NCOA6: variants seen among roughly 807,000 people sequenced by gnomAD.
NCOA6 encodes the protein NRC RAP250.
NCOA6 carries 49 observed loss-of-function variants against 171.4 expected under a neutral mutation model. The ratio of observed to expected loss-of-function variants is 0.29; its 90% CI spans 0.23 to 0.36. The LOEUF is 0.36. Ranked by LOEUF, NCOA6 falls within the 10% of genes least tolerant of loss-of-function variation. The probability of loss-of-function intolerance (pLI) is 1.00; values close to 1 mark genes in which losing one functional copy is unlikely to be tolerated. For missense variants in NCOA6, 2,248 were observed against 2,554.5 expected (o/e 0.88, Z 2.59); for synonymous variants, 910 against 927.5 (o/e 0.98, Z 0.34).
chr20:34,774,560 A>T (rs936536994), intron 4 of NCOA6, among the ~76,000 whole-genome samples: 5 of 152,208 alleles, frequency 3.3e-5, no homozygotes, highest in Admixed American at 2.0e-4. Context: ...CACTCCTATA[A>T]ACAAAATGAC....
At chr20:34,809,034 G>T (rs1480428196) in intron 1 of NCOA6, among the ~76,000 whole-genome samples, 1 of 152,128 alleles carries the variant, frequency 6.6e-6, no homozygotes, top group African/African-American at 2.4e-5. Flanking sequence ...ATTTCCCCCT[G>T]CAAAGTTATG....
At position 34,757,836 on chromosome 20, in the gene NCOA6, G is replaced by C. The variant is rs767155256; in HGVS notation, c.912C>G (p.Pro304=). ...GCACCTGAGTTGGGGCAGTAAACTG[G>C]GGTCGAATTCCCTGTGGCTGTTGCT... is the stretch of plus-strand genomic sequence containing the variant. ...HQQQQPQGIR[P]QFTAPTQVPV... Residue 304 remains proline, a synonymous_variant, in exon 7 of 15, where the codon CCC becomes CCG. Coordinates refer to ENST00000359003, the MANE Select transcript of NCOA6 (RefSeq NM_014071.5). 1.2e-6 allele frequency: 2 copies of C among 1,613,954 alleles called. No homozygotes were observed. The highest frequency in any genetic ancestry group is 1.7e-6 in the Non-Finnish European group (2 of 1,180,030).
chr20:34,736,713 A>G lies in NCOA6; in HGVS notation c.5939T>C (p.Leu1980Pro), dbSNP rs371027349. 11 of 1,611,240 alleles carry G rather than the reference A, an allele frequency of 6.8e-6. No individual in the cohort carries two copies. Among genetic ancestry groups the G allele is most frequent in the Middle Eastern group, 1.7e-4 (1 of 6,052 alleles). ...ACCTGGTCTGGCAACAGAGGCCTGC[A>G]GTGCTGTGGTTGAAGTTTCCTTTGA... The part of the protein sequence containing the change: ...LVSKETSTTA[L>P]QASVARPELE... The change falls in exon 12 of 15, where the codon CTG becomes CCG. Residue 1980 changes from leucine (L) to proline (P), a missense_variant. Leu to Pro is a moderately conservative substitution (Grantham distance 98). Coordinates refer to ENST00000359003, the MANE Select transcript of NCOA6 (RefSeq NM_014071.5).
chr20:34,737,921 C>T (rs2076006344), intron 11 of NCOA6, among the ~76,000 whole-genome samples: 1 of 152,184 alleles, frequency 6.6e-6, no homozygotes, highest in Non-Finnish European at 1.5e-5. Flanking sequence ...TCTCCTGAGA[C>T]AGAGCCTTGC....
At chr20:34,723,318 T>C (rs1266102811) in intron 14 of NCOA6, among the ~76,000 whole-genome samples, 1 of 152,172 alleles carries the variant, frequency 6.6e-6, no homozygotes, top group Non-Finnish European at 1.5e-5. Flanking sequence ...GCAGAACTGA[T>C]GACTTGCTTG....
chr20:34,717,319 G>A (rs896145193), intron 14 of NCOA6, among the ~76,000 whole-genome samples: 5 of 152,112 alleles, frequency 3.3e-5, no homozygotes, highest in East Asian at 1.9e-4. Flanking sequence ...GTGTGGTGGT[G>A]CATGCCTGTA....
rs751096527 is a variant in NCOA6 at position 34,742,683 on chromosome 20, G to A, written c.3573C>T (p.Ser1191=). ...PQQPPVNSLP[S]SHGHHFPNVA... ...CATTTGGGAAGTGGTGGCCGTGAGA[G>A]CTGGGCAGGGAATTTACAGGGGGTT... Residue 1191 remains serine, a synonymous_variant, in exon 11 of 15, where the codon AGC becomes AGT. Coordinates refer to ENST00000359003, the MANE Select transcript of NCOA6 (RefSeq NM_014071.5). 5.3e-5 allele frequency: 86 copies of A among 1,614,070 alleles called. No individual in the cohort carries two copies. The South Asian group carries it at 9.2e-4, about 17-fold the overall frequency.
intron 10 of NCOA6, 83 bp from the exon 11 acceptor site, chr20:34,743,424 T>A: frequency 7.1e-7 from 1 of 1,409,542 alleles, no homozygotes. Context: ...CAAGCAATAC[T>A]CATCTAGGTG....
intron 3 of NCOA6, among the ~76,000 whole-genome samples, chr20:34,777,116 C>CAAA (rs1157021055): frequency 9.6e-4 from 42 of 43,728 alleles, no homozygotes; most frequent in African/African-American, 3.1e-3. Flanking sequence ...GACTCCGTCT[C>CAAA]AAAAAAAAAA....
intron 4 of NCOA6, among the ~76,000 whole-genome samples, chr20:34,773,677 C>T (rs1260570038): frequency 6.6e-6 from 1 of 152,200 alleles, no homozygotes; most frequent in Non-Finnish European, 1.5e-5. Context: ...GCACGCCCCA[C>T]CATGCTCGGC....
chr20:34,776,427 T>C lies in NCOA6; in HGVS notation c.257A>G (p.Gln86Arg), dbSNP rs140466505. ...LHMESSKLKV[Q>R]KVEPWNSVRV... is the part of the protein sequence containing the mutation. ...CACGCTGTTCCAGGGCTCCACCTTC[T>C]GTACTTTTAGCTTGCTGGACTCTTG... Residue 86 changes from glutamine to arginine, a missense_variant, in exon 4 of 15, where the codon CAG becomes CGG. This residue lies in a region of NCOA6 where 987 missense variants were observed against 1,104.7 expected (regional missense o/e 0.89). Transcript: ENST00000359003. 1.7e-5 allele frequency: 27 copies of C among 1,614,056 alleles called. No individual in the cohort carries two copies. Among genetic ancestry groups the C allele is most frequent in the Non-Finnish European group, 2.2e-5 (26 of 1,180,026 alleles).
At chr20:34,736,826 T>C (rs2075974229) in intron 11 of NCOA6, 68 bp from the exon 12 acceptor site, 6 of 1,380,464 alleles carry the variant, frequency 4.3e-6, no homozygotes, top group South Asian at 1.3e-5. Context: ...AGCATTAACC[T>C]AATCAAGGGC....
chr20:34,816,469 A>C (rs1261020141), intron 1 of NCOA6, among the ~76,000 whole-genome samples: 1 of 152,168 alleles, frequency 6.6e-6, no homozygotes, highest in African/African-American at 2.4e-5. Context: ...GCAAAGATGG[A>C]GTGATGCAGC....
intron 14 of NCOA6, among the ~76,000 whole-genome samples, chr20:34,723,373 T>C (rs959055277): frequency 1.3e-5 from 2 of 152,186 alleles, no homozygotes; most frequent in Non-Finnish European, 2.9e-5. Context: ...CAGAAGCGTG[T>C]TGTGAGAGTA....
intron 1 of NCOA6, among the ~76,000 whole-genome samples, chr20:34,809,265 T>G (rs897523638): frequency 1.3e-5 from 2 of 152,232 alleles, no homozygotes; most frequent in African/African-American, 4.8e-5. Context: ...AAGCAGATCT[T>G]ATTTAATTTA....
intron 14 of NCOA6, among the ~76,000 whole-genome samples, chr20:34,718,021 G>A (rs1988816826): frequency 6.6e-6 from 1 of 152,180 alleles, no homozygotes; most frequent in East Asian, 1.9e-4. Context: ...CTGCTCCGAA[G>A]CACCCAATGA....
Position 34,727,356 on chromosome 20 carries a change from G to T in NCOA6, c.6051C>A (p.Asn2017Lys), listed in dbSNP as rs1990083701. ...VEKSKIPGRR[N>K]SRTEEPTVAS... ...CCACAGTTGGCTCTTCAGTTCGGGA[G>T]TTTCTTCGGCCTGGGATTTTGGACT... is the stretch of plus-strand genomic sequence containing the variant. The change falls in exon 14 of 15, where the codon AAC becomes AAA. Residue 2017 changes from asparagine to lysine, a missense_variant. Coordinates refer to ENST00000359003, the MANE Select transcript of NCOA6 (RefSeq NM_014071.5). 1 of 1,613,982 alleles carries T rather than the reference G, an allele frequency of 6.2e-7. No homozygotes were observed. Among genetic ancestry groups the T allele is most frequent in the Non-Finnish European group, 8.5e-7 (1 of 1,180,042 alleles).
chr20:34,720,769 G>A (rs574804629), intron 14 of NCOA6, among the ~76,000 whole-genome samples: 91 of 152,280 alleles, frequency 6.0e-4, no homozygotes, highest in Non-Finnish European at 2.1e-4. Flanking sequence ...CCCCACATTT[G>A]AGGTGCATCC....
intron 11 of NCOA6, among the ~76,000 whole-genome samples, chr20:34,739,590 A>G (rs1358477393): frequency 6.6e-6 from 1 of 152,176 alleles, no homozygotes; most frequent in East Asian, 1.9e-4. Context: ...TCATGAGCAA[A>G]TCTTCACCCT....
Sources: allele counts gnomAD v4.1 joint callset (sites outside exome capture counted in the v4.1 genomes callset), GRCh38; gene constraint gnomAD v4.1.1; regional missense constraint gnomAD v4.1.1; transcripts MANE v1.5; gene names NCBI Gene and HGNC (gene_info 2026-07-23, HGNC 2026-07-21).